The following CALM2 variants were observed in gnomAD, a reference collection of about 807,000 sequenced individuals.
The protein encoded by CALM2 is calmodulin 2, also known as calmodulin-2.
Under a neutral mutation model 19.8 loss-of-function variants are expected in CALM2, and 2 were observed. The ratio of observed to expected loss-of-function variants is 0.10; its 90% CI spans 0.04 to 0.32. The LOEUF (loss-of-function observed/expected upper bound fraction) is 0.32, where lower values mean the gene tolerates loss of function less well. Ranked by LOEUF, CALM2 falls within the 10% of genes least tolerant of loss-of-function variation. The pLI is 1.00. For missense variants in CALM2, 38 were observed against 178.7 expected (o/e 0.21, Z 4.49); for synonymous variants, 51 against 52.1 (o/e 0.98, Z 0.09).
intron 2 of CALM2, among the ~76,000 whole-genome samples, chr2:47,166,744 T>C (rs910766878): frequency 6.6e-6 from 1 of 152,204 alleles, no homozygotes; most frequent in Non-Finnish European, 1.5e-5. Flanking sequence ...TATAGAAGCA[T>C]ATAATTCTAA....
chr2:47,172,281 G>T (rs150500231), intron 1 of CALM2: 1 of 327,860 alleles, frequency 3.1e-6, no homozygotes. Flanking sequence ...CATGCGTGGC[G>T]TGGGGGGAAA....
At chr2:47,171,084 G>A (rs1244986029) in intron 1 of CALM2, 1 of 218,108 alleles carries the variant, frequency 4.6e-6, no homozygotes, top group Non-Finnish European at 9.1e-6. Context: ...TAAATCACCA[G>A]AAATTCCCAC....
At chr2:47,164,969 T>C (rs1666415925) in intron 2 of CALM2, among the ~76,000 whole-genome samples, 1 of 152,238 alleles carries the variant, frequency 6.6e-6, no homozygotes, top group South Asian at 2.1e-4. Context: ...ACCACATAAA[T>C]ATCTTCACAT....
In CALM2 at chr2:47,176,460, G is replaced by A. The variant is rs759899961; in HGVS notation, c.-17C>T. ...ACTCACCATGCTGCAAGCGCTACCG[G>A]TTTCCGAGACGCGACCACACAACCA... On this transcript the variant is annotated 5_prime_UTR_variant, in exon 1 of 6. Coordinates refer to ENST00000272298, the MANE Select transcript of CALM2 (RefSeq NM_001743.6). The A allele has an allele frequency of 3.6e-5, 58 of 1,613,614 alleles. No homozygotes were observed. Among genetic ancestry groups the A allele is most frequent in the Non-Finnish European group, 4.4e-5 (52 of 1,179,982 alleles).
intron 1 of CALM2, chr2:47,172,722 T>G (rs1666712230): frequency 3.9e-6 from 1 of 259,058 alleles, no homozygotes; most frequent in African/African-American, 2.3e-5. Flanking sequence ...GCTAAATGTG[T>G]GGCAGACACT....
intron 2 of CALM2, among the ~76,000 whole-genome samples, chr2:47,168,802 A>C (rs1261521361): frequency 2.0e-5 from 3 of 152,032 alleles, no homozygotes; most frequent in African/African-American, 7.2e-5. Flanking sequence ...TTTTGAGGCA[A>C]AGTCTCGCTC....
At chr2:47,171,605 G>A (rs1262810152) in intron 1 of CALM2, 3 of 152,076 alleles carry the variant, frequency 2.0e-5, no homozygotes, top group Non-Finnish European at 4.4e-5. Context: ...AAAGATGATT[G>A]CAAAATATCC....
intron 2 of CALM2, among the ~76,000 whole-genome samples, chr2:47,167,143 G>A (rs1375215198): frequency 6.6e-6 from 1 of 152,022 alleles, no homozygotes; most frequent in Non-Finnish European, 1.5e-5. Context: ...ATCATGTACT[G>A]GAACTCTTTT....
intron 1 of CALM2, among the ~76,000 whole-genome samples, chr2:47,175,079 G>GTTT (rs1491580925): frequency 1.0e-3 from 11 of 11,054 alleles, no homozygotes; most frequent in Non-Finnish European, 1.1e-3. Context: ...CCCTCATTAG[G>GTTT]TGTTTTTTTT....
chr2:47,174,730 A>G (rs919143646), intron 1 of CALM2, among the ~76,000 whole-genome samples: 3 of 152,144 alleles, frequency 2.0e-5, no homozygotes, highest in African/African-American at 7.2e-5. Context: ...CTGATTAAAG[A>G]AAACTTTACC....
chr2:47,168,496 T>C (rs1482195892), intron 2 of CALM2, among the ~76,000 whole-genome samples: 2 of 152,076 alleles, frequency 1.3e-5, no homozygotes, highest in South Asian at 2.1e-4. Flanking sequence ...CCCAGCACTT[T>C]AGGAGGCTGA....
At chr2:47,174,662 G>A (rs1175146431) in intron 1 of CALM2, among the ~76,000 whole-genome samples, 1 of 151,420 alleles carries the variant, frequency 6.6e-6, no homozygotes, top group East Asian at 1.9e-4. Flanking sequence ...CCACAAATGC[G>A]TAGATACCAA....
At chr2:47,176,916 G>T, upstream of CALM2, 6 of 985,414 alleles carry the variant, frequency 6.1e-6, no homozygotes, top group Non-Finnish European at 7.2e-6. Context: ...TTGCTGCTCG[G>T]GCCGCGCTGT....
intron 2 of CALM2, 75 bp from the exon 3 acceptor site, chr2:47,162,737 C>G (rs1305878769): frequency 8.1e-5 from 100 of 1,241,724 alleles, no homozygotes; most frequent in Non-Finnish European, 7.8e-6. Context: ...CGTATTAACT[C>G]TTAAAGCCTA....
At chr2:47,162,204 C>CAAAA in intron 4 of CALM2, 82 bp downstream of exon 4, 2 of 248,316 alleles carry the variant, frequency 8.1e-6, no homozygotes, top group South Asian at 1.3e-4. Flanking sequence ...AAAAAAACAA[C>CAAAA]CAAAAAAACA....
At chr2:47,171,373 G>A (rs1666661568) in intron 1 of CALM2, 3 of 152,254 alleles carry the variant, frequency 2.0e-5, no homozygotes, top group African/African-American at 7.3e-5. Flanking sequence ...GTTTTCTTCA[G>A]AAAATATTTT....
At chr2:47,175,784 G>C (rs1666840803) in intron 1 of CALM2, among the ~76,000 whole-genome samples, 1 of 149,642 alleles carries the variant, frequency 6.7e-6, no homozygotes, top group African/African-American at 2.4e-5. Flanking sequence ...GGGCCGAGCG[G>C]GGCGGCGGCT....
At position 47,172,227 on chromosome 2, in the gene CALM2, AT is replaced by A. The variant is rs562938487; in HGVS notation, c.4-1464del. On this transcript the variant is annotated intron_variant, in intron 1 of 5. Transcript: ENST00000272298. ...AAGCTACATTACTTCAGTTTATTGC[AT>A]TTTGCAGGACTTCCACCATTTCTGA... 1.2e-3 allele frequency: 370 copies of A among 306,940 alleles called. 2 individuals carry two copies. The highest frequency in any genetic ancestry group is 2.1e-3 in the Non-Finnish European group (318 of 153,710). 19.0% of individuals were successfully genotyped at this position (306,940 alleles called of 1,614,324 possible). A position where few individuals can be genotyped will look rare whatever the true frequency, so the allele number is the denominator to read the frequency against.
chr2:47,170,216 GACAT>G (rs1489989789), intron 2 of CALM2, among the ~76,000 whole-genome samples: 2 of 152,190 alleles, frequency 1.3e-5, no homozygotes, highest in Non-Finnish European at 2.9e-5. Flanking sequence ...TTGCTACAGT[GACAT>G]TTATAGAATA....
Sources: gnomAD v4.1 joint callset for allele counts (sites outside exome capture counted in the v4.1 genomes callset) on GRCh38, gnomAD v4.1.1 for gene constraint, MANE v1.5 for transcripts, NCBI Gene and HGNC (gene_info 2026-07-23, HGNC 2026-07-21) for gene names.